Variants in PIKFYVE observed in about 807,000 individuals in gnomAD.
The protein encoded by PIKFYVE is 1-phosphatidylinositol 3-phosphate 5-kinase.
In PIKFYVE, 122 loss-of-function variants were observed where a neutral mutation model predicts 257.9. The ratio of observed to expected loss-of-function variants is 0.47; its 90% CI spans 0.41 to 0.55. PIKFYVE has a LOEUF of 0.55. Ranked by LOEUF, PIKFYVE falls within the 20% of genes least tolerant of loss-of-function variation. The pLI, the probability that PIKFYVE is intolerant of heterozygous loss-of-function variation, is 0.00. For synonymous variants in PIKFYVE, 892 were observed against 868.9 expected, an observed-to-expected ratio of 1.03 and a Z score of -0.47; for missense variants, 2,160 against 2,536.6, an observed-to-expected ratio of 0.85 and a Z score of 3.19.
intron 40 of PIKFYVE, 86 bp from the exon 41 acceptor site, chr2:208,354,485 A>G (rs1331014207): frequency 1.1e-5 from 13 of 1,191,310 alleles, no homozygotes; most frequent in Middle Eastern, 1.9e-4. Flanking sequence ...CTGTCATAGA[A>G]GTAGTAGTAA....
Position 208,335,345 on chromosome 2 carries a change from C to A in PIKFYVE, c.4182C>A (p.Leu1394=). ...PIRLLEVCVP[L]PKIFIKRQAP... is the part of the protein sequence containing the mutation. ...GGCTTCTTGAAGTATGTGTTCCACTCCCCAAAATATTCATTAAGCGTCAGG... is the reference window on the plus strand; with the variant it reads ...GGCTTCTTGAAGTATGTGTTCCACTACCCAAAATATTCATTAAGCGTCAGG... The change falls in exon 25 of 42, where the codon CTC becomes CTA. Residue 1394 remains leucine, a synonymous_variant. Coordinates refer to ENST00000264380, the MANE Select transcript of PIKFYVE (RefSeq NM_015040.4). 1 of 1,612,618 alleles carries A rather than the reference C, an allele frequency of 6.2e-7. No homozygotes were observed. The highest frequency in any genetic ancestry group is 8.5e-7 in the Non-Finnish European group (1 of 1,178,822).
At chr2:208,325,118 C>T in intron 19 of PIKFYVE, 81 bp downstream of exon 19, 1 of 1,596,776 alleles carries the variant, frequency 6.3e-7, no homozygotes, top group Non-Finnish European at 8.6e-7. Context: ...TAGGAAATAC[C>T]TATTAATAGT....
chr2:208,317,393 T>G (rs537582702), intron 15 of PIKFYVE, among the ~76,000 whole-genome samples: 40 of 150,596 alleles, frequency 2.7e-4, no homozygotes, highest in Non-Finnish European at 5.5e-4. Context: ...TCATCATCAC[T>G]GGCCATCAGA....
intron 7 of PIKFYVE, among the ~76,000 whole-genome samples, chr2:208,290,863 C>T (rs529829513): frequency 1.3e-5 from 2 of 152,206 alleles, no homozygotes; most frequent in South Asian, 4.2e-4. Flanking sequence ...AATCTTGTAT[C>T]CTGCCACCTT....
intron 23 of PIKFYVE, 49 bp from the exon 24 acceptor site, chr2:208,333,266 A>G (rs1284433312): frequency 6.4e-7 from 1 of 1,566,554 alleles, no homozygotes; most frequent in African/African-American, 1.4e-5. Flanking sequence ...TTTTTTGAAA[A>G]AGAGATTCTC....
chr2:208,309,411 A>G (rs1694713738), intron 12 of PIKFYVE, among the ~76,000 whole-genome samples: 1 of 152,180 alleles, frequency 6.6e-6, no homozygotes. Flanking sequence ...TGCAAACTTA[A>G]TAGTGTGATG....
Position 208,357,614 on chromosome 2 carries a change from G to A in PIKFYVE, c.*2309G>A, listed in dbSNP as rs1267128191. The A allele has an allele frequency of 6.6e-6, 1 of 152,144 alleles. No individual in the cohort carries two copies. Among genetic ancestry groups the A allele is most frequent in the African/African-American group, 2.4e-5 (1 of 41,428 alleles). 9.4% of individuals were successfully genotyped at this position (152,144 alleles called of 1,614,324 possible). On this transcript the variant is annotated 3_prime_UTR_variant, in exon 42 of 42. Coordinates refer to ENST00000264380, the MANE Select transcript of PIKFYVE (RefSeq NM_015040.4). ...AAGGTAATCTCTCATTTTAAAATTGGACAGTATTAATGAAGGGGAAATATA... is the reference window on the plus strand; with the variant it reads ...AAGGTAATCTCTCATTTTAAAATTGAACAGTATTAATGAAGGGGAAATATA...
At position 208,280,319 on chromosome 2, in the gene PIKFYVE, A is replaced by G. The variant is rs186500679; in HGVS notation, c.613+2611A>G. On this transcript the variant is annotated intron_variant, in intron 5 of 41. Coordinates refer to ENST00000264380, the MANE Select transcript of PIKFYVE (RefSeq NM_015040.4). ...TCTGCTGGTTGTCTATTCTAACTGT[A>G]TGTTCTAGAACTGGGGAAATAACCA... 2.6e-5 allele frequency among the ~76,000 whole-genome samples: 4 copies of G among 152,238 alleles called. No individual in the cohort carries two copies. The East Asian group carries it at 7.7e-4, about 29-fold the overall frequency.
chr2:208,350,967 T>C lies in PIKFYVE; in HGVS notation c.5611+20T>C, dbSNP rs1356202692. The C allele has an allele frequency of 6.2e-7, 1 of 1,613,880 alleles. No individual in the cohort carries two copies. Among genetic ancestry groups the C allele is most frequent in the Non-Finnish European group, 8.5e-7 (1 of 1,179,912 alleles). On this transcript the variant is annotated intron_variant, in intron 37 of 41. Transcript: ENST00000264380. ...CTGAGGGTGAGCCTTTCTCATCGTTTATTGATTGGTTCAGTAGTCTTCATC... is the reference window on the plus strand; with the variant it reads ...CTGAGGGTGAGCCTTTCTCATCGTTCATTGATTGGTTCAGTAGTCTTCATC...
chr2:208,327,072 C>G (rs1396685011), intron 20 of PIKFYVE, among the ~76,000 whole-genome samples: 2 of 151,970 alleles, frequency 1.3e-5, no homozygotes, highest in Non-Finnish European at 2.9e-5. Flanking sequence ...CAAGGAAGTG[C>G]TAAATAATGT....
In PIKFYVE at chr2:208,293,015, T is replaced by C. The variant is rs1050901278; in HGVS notation, c.911+4197T>C. Reference sequence around the variant, plus strand: ...TTGTCTTCTGTACCTTTTCCACCTTTATGTATTTAATTGAGCATTTTATGT... The same window carrying C: ...TTGTCTTCTGTACCTTTTCCACCTTCATGTATTTAATTGAGCATTTTATGT... On this transcript the variant is annotated intron_variant, in intron 7 of 41. Coordinates refer to ENST00000264380, the MANE Select transcript of PIKFYVE (RefSeq NM_015040.4). Among the ~76,000 whole-genome samples, 9 of 152,110 alleles carry C rather than the reference T, an allele frequency of 5.9e-5. No individual in the cohort carries two copies. The South Asian group carries it at 1.7e-3, about 28-fold the overall frequency.
chr2:208,296,149 CA>C (rs2125272537), intron 7 of PIKFYVE, among the ~76,000 whole-genome samples: 2 of 152,128 alleles, frequency 1.3e-5, no homozygotes, highest in Non-Finnish European at 2.9e-5. Flanking sequence ...GGATTACAGG[CA>C]CCTGCTAGCA....
chr2:208,304,636 C>T (rs970975011), intron 11 of PIKFYVE, among the ~76,000 whole-genome samples: 3 of 152,164 alleles, frequency 2.0e-5, no homozygotes, highest in African/African-American at 7.2e-5. Context: ...CAATATATTT[C>T]TTCATTTTAA....
At chr2:208,273,266 T>C (rs1292094296) in intron 2 of PIKFYVE, among the ~76,000 whole-genome samples, 3 of 152,198 alleles carry the variant, frequency 2.0e-5, no homozygotes, top group Non-Finnish European at 2.9e-5. Context: ...GGTGTGATTA[T>C]TGGCCTGTAA....
At chr2:208,279,574 G>A (rs531363801) in intron 5 of PIKFYVE, among the ~76,000 whole-genome samples, 67 of 152,228 alleles carry the variant, frequency 4.4e-4, no homozygotes, top group Admixed American at 8.5e-4. Context: ...ATTAATTTTC[G>A]TATATGATGA....
chr2:208,321,775 T>C (rs1696271307), intron 17 of PIKFYVE, among the ~76,000 whole-genome samples: 1 of 152,076 alleles, frequency 6.6e-6, no homozygotes, highest in African/African-American at 2.4e-5. Flanking sequence ...AGACGGGGTT[T>C]CATCATGTTG....
chr2:208,276,654 G>T, intron 3 of PIKFYVE, 58 bp from the exon 4 acceptor site: 1 of 1,204,478 alleles, frequency 8.3e-7, no homozygotes, highest in Non-Finnish European at 1.2e-6. Context: ...TATATACCTT[G>T]TTGTATATAG....
At chr2:208,319,839 C>T (rs73983738) in intron 16 of PIKFYVE, among the ~76,000 whole-genome samples, 2,863 of 152,138 alleles carry the variant, frequency 0.019, 83 homozygotes, top group African/African-American at 0.065. Flanking sequence ...ATTCTTTTCT[C>T]CCTCTTCTCC....
At chr2:208,298,593 T>A in intron 7 of PIKFYVE, 48 bp from the exon 8 acceptor site, 1 of 1,604,368 alleles carries the variant, frequency 6.2e-7, no homozygotes. Flanking sequence ...TTCTGTTTAT[T>A]GAAGAAGAAT....
Sources: gnomAD v4.1 joint callset for allele counts (sites outside exome capture counted in the v4.1 genomes callset) on GRCh38, gnomAD v4.1.1 for gene constraint, MANE v1.5 for transcripts, NCBI Gene and HGNC (gene_info 2026-07-23, HGNC 2026-07-21) for gene names.